Variants in CFHR2 observed in about 807,000 individuals in gnomAD.
CFHR2 encodes complement factor H related 2, also known as complement factor H-related protein 2.
Under a neutral mutation model 21.7 loss-of-function variants are expected in CFHR2, and 22 were observed. That is an observed-to-expected ratio of 1.01 (90% CI 0.72 to 1.45). The LOEUF (loss-of-function observed/expected upper bound fraction) is 1.45. Ranked by LOEUF, CFHR2 falls within the 40% of genes most tolerant of loss-of-function variation. CFHR2 has a pLI of 0.00. For missense variants in CFHR2, 294 were observed against 293.3 expected, an observed-to-expected ratio of 1.00 and a Z score of -0.02; for synonymous variants, 98 against 97.4, an observed-to-expected ratio of 1.01 and a Z score of -0.04.
intron 3 of CFHR2, among the ~76,000 whole-genome samples, chr1:196,955,048 A>G (rs1359001473): frequency 6.6e-6 from 1 of 152,204 alleles, no homozygotes; most frequent in East Asian, 1.9e-4. Flanking sequence ...CCAGAATATG[A>G]GTTTTCTCTT....
intron 1 of CFHR2, among the ~76,000 whole-genome samples, chr1:196,947,642 A>T (rs1659559360): frequency 6.6e-6 from 1 of 152,216 alleles, no homozygotes; most frequent in South Asian, 2.1e-4. Flanking sequence ...ATTTCTGTTG[A>T]TTTGTCAGCT....
chr1:196,959,291 C>CT lies in CFHR2; in HGVS notation c.*220dup, dbSNP rs893834856. The stretch of plus-strand genomic sequence containing the variant: ...ATCTAAGTAACAACCTAGGAATTGT[C>CT]TTTTTTTTTCTTTTTAAAAAAATTG... On this transcript the variant is annotated 3_prime_UTR_variant, in exon 5 of 5. Transcript: ENST00000367415. 1.7e-3 allele frequency: 759 copies of CT among 435,836 alleles called. No homozygotes were observed. Among genetic ancestry groups the CT allele is most frequent in the East Asian group, 3.0e-3 (76 of 25,140 alleles). The allele number at this position is 435,836 out of a possible 1,614,324, so 27.0% of individuals were successfully genotyped here. A position where few individuals can be genotyped will look rare whatever the true frequency, so the allele number is the denominator to read the frequency against.
intron 3 of CFHR2, among the ~76,000 whole-genome samples, chr1:196,956,085 C>A (rs1239000194): frequency 6.6e-6 from 1 of 152,156 alleles, no homozygotes; most frequent in African/African-American, 2.4e-5. Flanking sequence ...CCCCATGATC[C>A]AACCACCCCC....
At chr1:196,956,776 CT>C (rs1652898733) in intron 3 of CFHR2, among the ~76,000 whole-genome samples, 1 of 151,006 alleles carries the variant, frequency 6.6e-6, no homozygotes, top group Non-Finnish European at 1.5e-5. Context: ...TGTCTTTTCC[CT>C]TTTGAGAGTT....
rs754644865 is a variant in CFHR2, at chr1:196,949,630, A to G, written c.234A>G (p.Ser78=). ...TRITCAEEGW[S]PTPKCLRLCF... is the part of the protein sequence containing the mutation. ...TAACGTGCGCAGAAGAAGGATGGTC[A>G]CCAACACCAAAGTGTCTCAGTGAGT... Residue 78 remains serine (S), a synonymous_variant, in exon 2 of 5, where the codon TCA becomes TCG. Transcript: ENST00000367415. The G allele has an allele frequency of 2.5e-6, 4 of 1,613,910 alleles. No individual in the cohort carries two copies. The Admixed American group carries it at 6.7e-5, about 27-fold the overall frequency.
chr1:196,946,331 A>T (rs1176267401), intron 1 of CFHR2, among the ~76,000 whole-genome samples: 5 of 152,136 alleles, frequency 3.3e-5, no homozygotes, highest in Non-Finnish European at 5.9e-5. Flanking sequence ...AGTGCTAATT[A>T]CTGAGCTTTT....
At chr1:196,946,937 G>C (rs1659520124) in intron 1 of CFHR2, among the ~76,000 whole-genome samples, 1 of 152,164 alleles carries the variant, frequency 6.6e-6, no homozygotes, top group Admixed American at 6.5e-5. Context: ...GACTGGCAAT[G>C]CTGTAGGTTT....
chr1:196,949,719 A>G, intron 2 of CFHR2, 70 bp downstream of exon 2: 1 of 1,581,450 alleles, frequency 6.3e-7, no homozygotes, highest in Non-Finnish European at 8.7e-7. Flanking sequence ...AGACAAGATC[A>G]TAAACACTTG....
At position 196,955,667 on chromosome 1, in the gene CFHR2, C is replaced by G. The variant is rs141884489; in HGVS notation, c.431-2224C>G. On this transcript the variant is annotated intron_variant, in intron 3 of 4. Coordinates refer to ENST00000367415, the MANE Select transcript of CFHR2 (RefSeq NM_005666.4). ...AATTTGGGACTAGCCTGACCCACAT[C>G]GTGAAACTCTGTCTTTGATAAAATA... 6.6e-3 allele frequency among the ~76,000 whole-genome samples: 1,002 copies of G among 151,986 alleles called. 12 individuals carry two copies. Among genetic ancestry groups the G allele is most frequent in the African/African-American group, 0.023 (962 of 41,376 alleles).
In CFHR2 at chr1:196,948,779, G is replaced by A. The variant is rs114577949; in HGVS notation, c.59-676G>A. The stretch of plus-strand genomic sequence containing the variant: ...CCAGTGGGGCTGACCGTATATATAT[G>A]TGTGTATACAAGTATAAATATATAA... On this transcript the variant is annotated intron_variant, in intron 1 of 4. Coordinates refer to ENST00000367415, the MANE Select transcript of CFHR2 (RefSeq NM_005666.4). 7.6e-3 allele frequency among the ~76,000 whole-genome samples: 1,158 copies of A among 151,524 alleles called. 19 individuals carry two copies. Among genetic ancestry groups the A allele is most frequent in the African/African-American group, 0.027 (1,106 of 40,964 alleles).
At chr1:196,944,636 G>A (rs1659407858) in intron 1 of CFHR2, among the ~76,000 whole-genome samples, 1 of 151,846 alleles carries the variant, frequency 6.6e-6, no homozygotes, top group Non-Finnish European at 1.5e-5. Flanking sequence ...TCTCTACCAA[G>A]GTCTAGGATA....
intron 3 of CFHR2, among the ~76,000 whole-genome samples, chr1:196,957,401 A>G (rs1652931512): frequency 6.6e-6 from 1 of 151,604 alleles, no homozygotes; most frequent in Non-Finnish European, 1.5e-5. Context: ...GCATAAGGAA[A>G]AGGTAGAAAA....
intron 3 of CFHR2, among the ~76,000 whole-genome samples, chr1:196,955,547 T>C (rs1200047771): frequency 6.6e-6 from 1 of 152,122 alleles, no homozygotes; most frequent in African/African-American, 2.4e-5. Flanking sequence ...ACCTGGGTAA[T>C]ATATCAGTAA....
rs1031565511 is a variant in CFHR2, at chr1:196,954,542, C to T, written c.431-3349C>T. Among the ~76,000 whole-genome samples, 2 of 152,172 alleles carry T rather than the reference C, an allele frequency of 1.3e-5. 1 individual carries two copies. Among genetic ancestry groups the T allele is most frequent in the Admixed American group, 1.3e-4 (2 of 15,278 alleles). ...GTGACTCTGTGTGGGGGTTCCAACC[C>T]TACATTTCCCTTCCACTCTGCCCTA... On this transcript the variant is annotated intron_variant, in intron 3 of 4. Transcript: ENST00000367415.
In CFHR2 at chr1:196,958,915, AT is replaced by A; in HGVS notation, c.649del (p.Tyr217IlefsTer3). 6.3e-7 allele frequency: 1 copy of A among 1,596,126 alleles called. No homozygotes were observed. The highest frequency in any genetic ancestry group is 8.6e-7 in the Non-Finnish European group (1 of 1,165,016). ...CVISQEIMEK[Y>X]NIKLKWTNQQ... ...TAATATCACAAGAAATTATGGAAAA[AT>A]ATAACATAAAATTAAAGTGGACAAA... On this transcript the variant is annotated frameshift_variant, in exon 5 of 5. Coordinates refer to ENST00000367415, the MANE Select transcript of CFHR2 (RefSeq NM_005666.4). LOFTEE classifies it low-confidence loss of function (END_TRUNC).
rs111351996 is a variant in CFHR2 at position 196,958,393 on chromosome 1, A to AGTGTGT, written c.613+338_613+343dup. Among the ~76,000 whole-genome samples, 960 of 148,616 alleles carry AGTGTGT rather than the reference A, an allele frequency of 6.5e-3. 3 individuals carry two copies. The highest frequency in any genetic ancestry group is 0.022 in the African/African-American group (903 of 40,792). On this transcript the variant is annotated intron_variant, in intron 4 of 4. Transcript: ENST00000367415. ...CCACCTATGGTTACCATTGTGTGTA[A>AGTGTGT]GTGTGTGTGTGTGTGTGTGTGTGAG...
At position 196,949,626 on chromosome 1, in the gene CFHR2, G is replaced by A. The variant is rs1659650718; in HGVS notation, c.230G>A (p.Trp77Ter). ...CGCATAACGTGCGCAGAAGAAGGAT[G>A]GTCACCAACACCAAAGTGTCTCAGT... is the stretch of plus-strand genomic sequence containing the variant. The part of the protein sequence containing the change: ...WTRITCAEEG[W>*]SPTPKCLRLC... The change falls in exon 2 of 5, where the codon TGG (tryptophan) becomes TAG (stop). Residue 77 changes from tryptophan to a stop codon, truncating the protein, a stop_gained. Coordinates refer to ENST00000367415, the MANE Select transcript of CFHR2 (RefSeq NM_005666.4). LOFTEE classifies it high-confidence loss of function. The A allele has an allele frequency of 1.2e-6, 2 of 1,613,754 alleles. No individual in the cohort carries two copies. The highest frequency in any genetic ancestry group is 1.7e-5 in the Admixed American group (1 of 59,948).
intron 3 of CFHR2, among the ~76,000 whole-genome samples, chr1:196,954,794 C>A (rs1652805026): frequency 1.3e-5 from 2 of 152,216 alleles, no homozygotes; most frequent in Non-Finnish European, 2.9e-5. Flanking sequence ...ATGTTGGCCC[C>A]ATTTAGCCAC....
At position 196,949,455 on chromosome 1, in the gene CFHR2, C is replaced by T. The variant is rs767614965; in HGVS notation, c.59C>T (p.Ala20Val). ...CTTCAGTTTTGTGTTATTTTCCCAGCAATGTTCTGTGATTTTCCAAAAATA... is the reference window on the plus strand; with the variant it reads ...CTTCAGTTTTGTGTTATTTTCCCAGTAATGTTCTGTGATTTTCCAAAAATA... Reference protein sequence around the residue: ...ISRISSVGGEAMFCDFPKINH... With the variant: ...ISRISSVGGEVMFCDFPKINH... The change falls in exon 2 of 5, where the codon GCA becomes GTA. Residue 20 changes from alanine (A) to valine (V), a missense_variant and splice_region_variant. By Grantham distance (64) the Ala-to-Val change is moderately conservative. Transcript: ENST00000367415. The T allele has an allele frequency of 6.2e-7, 1 of 1,610,494 alleles. No individual in the cohort carries two copies.
Sources: gnomAD v4.1 joint callset for allele counts (sites outside exome capture counted in the v4.1 genomes callset) on GRCh38, gnomAD v4.1.1 for gene constraint, MANE v1.5 for transcripts, NCBI Gene and HGNC (gene_info 2026-07-23, HGNC 2026-07-21) for gene names.